The following NEGR1 variants were observed in gnomAD, a reference collection of about 807,000 sequenced individuals.
NEGR1 encodes the protein neuronal growth regulator 1.
NEGR1 carries 10 observed loss-of-function variants against 40.9 expected under a neutral mutation model. The observed-to-expected ratio is 0.24, with a 90% CI of 0.15 to 0.42. The LOEUF (loss-of-function observed/expected upper bound fraction) is 0.42, where lower values mean the gene tolerates loss of function less well. Among genes scored for constraint, NEGR1 ranks in the 10% least tolerant of loss-of-function variants. The probability of loss-of-function intolerance (pLI) is 1.00; values close to 1 mark genes in which losing one functional copy is unlikely to be tolerated. For synonymous variants in NEGR1, 185 were observed against 166.8 expected, an observed-to-expected ratio of 1.11 and a Z score of -0.84; for missense variants, 352 against 438.9, an observed-to-expected ratio of 0.80 and a Z score of 1.77.
chr1:71,647,331 C>A (rs1474381724), intron 4 of NEGR1, among the ~76,000 whole-genome samples: 2 of 151,874 alleles, frequency 1.3e-5, no homozygotes, highest in Admixed American at 1.3e-4. Context: ...CATAGCCTTA[C>A]AAATAACTGT....
At chr1:71,882,241 T>C (rs1660602216) in intron 2 of NEGR1, among the ~76,000 whole-genome samples, 1 of 152,140 alleles carries the variant, frequency 6.6e-6, no homozygotes, top group Non-Finnish European at 1.5e-5. Flanking sequence ...TTCCATTTAA[T>C]TCAGTTAGTT....
At chr1:71,949,762 C>A (rs1490444435) in intron 1 of NEGR1, among the ~76,000 whole-genome samples, 1 of 152,018 alleles carries the variant, frequency 6.6e-6, no homozygotes, top group Non-Finnish European at 1.5e-5. Flanking sequence ...ATGGAACTGC[C>A]CACTGTCTAG....
At chr1:72,193,747 G>A (rs1243055727) in intron 1 of NEGR1, among the ~76,000 whole-genome samples, 1 of 151,068 alleles carries the variant, frequency 6.6e-6, no homozygotes, top group Non-Finnish European at 1.5e-5. Flanking sequence ...GGCATTACAT[G>A]TATATTTTTA....
At chr1:72,011,507 C>T (rs2100402089) in intron 1 of NEGR1, among the ~76,000 whole-genome samples, 1 of 152,166 alleles carries the variant, frequency 6.6e-6, no homozygotes, top group African/African-American at 2.4e-5. Flanking sequence ...ATATTTCCAA[C>T]ATTTAGTGAG....
intron 1 of NEGR1, among the ~76,000 whole-genome samples, chr1:72,141,555 T>C (rs1421401427): frequency 2.0e-5 from 3 of 152,052 alleles, no homozygotes; most frequent in Non-Finnish European, 4.4e-5. Flanking sequence ...ACTCAATTTA[T>C]TGGTACCTCT....
At position 71,444,490 on chromosome 1, in the gene NEGR1, G is replaced by C. The variant is rs189807929; in HGVS notation, c.941-36920C>G. Among the ~76,000 whole-genome samples the C allele has an allele frequency of 1.4e-4, 22 of 152,160 alleles. No homozygotes were observed. The East Asian group carries it at 1.7e-3, about 12-fold the overall frequency. On this transcript the variant is annotated intron_variant, in intron 6 of 6. Transcript: ENST00000357731. ...TTTCTATGTCATGTCAATATCCCAT[G>C]ACACGTGGGATATCATTCTTCTTTT...
intron 2 of NEGR1, among the ~76,000 whole-genome samples, chr1:71,914,747 A>C (rs1226524727): frequency 6.6e-6 from 1 of 152,186 alleles, no homozygotes; most frequent in Non-Finnish European, 1.5e-5. Context: ...ACCACAGCTC[A>C]TGTAGTAATC....
chr1:72,140,828 A>C (rs1181092061), intron 1 of NEGR1, among the ~76,000 whole-genome samples: 2 of 152,012 alleles, frequency 1.3e-5, no homozygotes, highest in Non-Finnish European at 2.9e-5. Flanking sequence ...TAATTAAGGA[A>C]GAACTTTTTC....
chr1:71,988,545 C>CAAAA (rs1197884975), intron 1 of NEGR1, among the ~76,000 whole-genome samples: 1,720 of 39,736 alleles, frequency 0.043, 135 homozygotes, highest in African/African-American at 0.05. Flanking sequence ...GACTCCGTCT[C>CAAAA]AAAAAAAAAA....
chr1:71,513,002 CA>C (rs1157146545), intron 6 of NEGR1, among the ~76,000 whole-genome samples: 6 of 152,040 alleles, frequency 3.9e-5, no homozygotes, highest in African/African-American at 1.2e-4. Context: ...ATAACATCGA[CA>C]AAAAATACCT....
intron 6 of NEGR1, among the ~76,000 whole-genome samples, chr1:71,590,218 G>A (rs534976107): frequency 1.5e-4 from 23 of 152,032 alleles, no homozygotes; most frequent in Non-Finnish European, 2.6e-4. Flanking sequence ...CATGATTGTT[G>A]TTGAATGAGC....
chr1:72,042,142 G>C (rs1569866628), intron 1 of NEGR1, among the ~76,000 whole-genome samples: 1 of 151,502 alleles, frequency 6.6e-6, no homozygotes, highest in African/African-American at 2.4e-5. Flanking sequence ...TTCAGCCAGA[G>C]AAAGAAAGAA....
intron 1 of NEGR1, among the ~76,000 whole-genome samples, chr1:72,164,437 C>T (rs2100381682): frequency 6.6e-6 from 1 of 152,134 alleles, no homozygotes; most frequent in South Asian, 2.1e-4. Flanking sequence ...TCACACAAAC[C>T]TCTGAATCAG....
chr1:72,142,525 T>TGATAGATAGATA (rs57515875), intron 1 of NEGR1, among the ~76,000 whole-genome samples: 2,477 of 146,564 alleles, frequency 0.017, 33 homozygotes, highest in East Asian at 0.047. Flanking sequence ...CCTAGATAGA[T>TGATAGATAGATA]GATAGATAGA....
intron 2 of NEGR1, among the ~76,000 whole-genome samples, chr1:71,850,452 G>A (rs1387832771): frequency 1.3e-5 from 2 of 152,098 alleles, no homozygotes; most frequent in African/African-American, 4.8e-5. Context: ...ACCACGCCCA[G>A]CCAAATCTAT....
intron 2 of NEGR1, among the ~76,000 whole-genome samples, chr1:71,928,585 C>T (rs1226596944): frequency 2.1e-5 from 3 of 144,076 alleles, no homozygotes; most frequent in African/African-American, 2.6e-5. Context: ...TATTTTTTTT[C>T]CTGAGACAGC....
chr1:72,027,349 T>A (rs1259258136), intron 1 of NEGR1, among the ~76,000 whole-genome samples: 1 of 152,288 alleles, frequency 6.6e-6, no homozygotes, highest in East Asian at 1.9e-4. Flanking sequence ...AGGTTTCATC[T>A]AATTGGTAAA....
chr1:72,007,917 A>T (rs923263291), intron 1 of NEGR1, among the ~76,000 whole-genome samples: 1 of 152,154 alleles, frequency 6.6e-6, no homozygotes, highest in African/African-American at 2.4e-5. Context: ...TGGCTGGGTA[A>T]TAATGAGGCA....
At chr1:71,819,227 T>C (rs1371038874) in intron 2 of NEGR1, among the ~76,000 whole-genome samples, 1 of 151,974 alleles carries the variant, frequency 6.6e-6, no homozygotes, top group African/African-American at 2.4e-5. Flanking sequence ...TCAGCTTTTC[T>C]ATTCTTGGAA....
Sources: allele counts gnomAD v4.1 joint callset (sites outside exome capture counted in the v4.1 genomes callset), GRCh38; gene constraint gnomAD v4.1.1; transcripts MANE v1.5; gene names NCBI Gene and HGNC (gene_info 2026-07-23, HGNC 2026-07-21).